SAMD3: variants seen among roughly 807,000 people sequenced by gnomAD.
The protein encoded by SAMD3 is sterile alpha motif domain-containing protein 3.
A neutral mutation model predicts 58.5 loss-of-function variants in SAMD3; 63 were observed. The ratio of observed to expected loss-of-function variants is 1.08; its 90% confidence interval spans 0.88 to 1.33. The LOEUF (loss-of-function observed/expected upper bound fraction) is 1.33, where lower values mean the gene tolerates loss of function less well. SAMD3 is among the 40% of genes most tolerant of loss of function. The probability of loss-of-function intolerance (pLI) is 0.00; values close to 1 mark genes in which losing one functional copy is unlikely to be tolerated. For missense variants in SAMD3, 604 were observed against 608.4 expected, an observed-to-expected ratio of 0.99 and a Z score of 0.08; for synonymous variants, 220 against 210.3, an observed-to-expected ratio of 1.05 and a Z score of -0.40.
chr6:130,336,201 T>C lies in SAMD3; in HGVS notation c.-303-23108A>G, dbSNP rs146639901. ...AAAATTTAAAAATTTAGTAATACAA[T>C]GTATTAAGCATGTTACATAAATTAT... is the stretch of plus-strand genomic sequence containing the variant. On this transcript the variant is annotated intron_variant, in intron 1 of 13. Transcript: ENST00000368134. Among the ~76,000 whole-genome samples the C allele has an allele frequency of 4.1e-3, 621 of 152,294 alleles. 5 individuals are homozygous for C. Among genetic ancestry groups the C allele is most frequent in the African/African-American group, 0.014 (577 of 41,554 alleles).
Position 130,184,604 on chromosome 6 carries a change from G to C in SAMD3, c.403C>G (p.Leu135Val), listed in dbSNP as rs1792750928. 1 of 1,607,446 alleles carries C rather than the reference G, an allele frequency of 6.2e-7. No homozygotes were observed. Among genetic ancestry groups the C allele is most frequent in the Admixed American group, 1.7e-5 (1 of 58,868 alleles). Residue 135 changes from leucine to valine, a missense_variant, in exon 6 of 12, where the codon CTA becomes GTA. By Grantham distance (32) the Leu-to-Val change is conservative. Coordinates refer to ENST00000439090, the MANE Select transcript of SAMD3 (RefSeq NM_001017373.4). ...LKQRRNVKQILARSKALQWTK... is the reference protein window; with the variant it reads ...LKQRRNVKQIVARSKALQWTK... Reference sequence around the variant, plus strand: ...CACTGTAATGCTTTGCTTCTTGCTAGAATTTGTTTCACATTTCTTCTGTGA... The same window carrying C: ...CACTGTAATGCTTTGCTTCTTGCTACAATTTGTTTCACATTTCTTCTGTGA...
chr6:130,351,148 C>T (rs1431689929), intron 1 of SAMD3, among the ~76,000 whole-genome samples: 1 of 152,076 alleles, frequency 6.6e-6, no homozygotes, highest in African/African-American at 2.4e-5. Flanking sequence ...GGCGATACCA[C>T]TCAGGACATA....
At chr6:130,332,126 CT>C (rs1776952689) in intron 1 of SAMD3, among the ~76,000 whole-genome samples, 1 of 152,116 alleles carries the variant, frequency 6.6e-6, no homozygotes, top group East Asian at 1.9e-4. Context: ...AGGTGATAAG[CT>C]TGTGGCATTC....
chr6:130,158,496 C>T (rs1789994578), intron 8 of SAMD3, among the ~76,000 whole-genome samples: 1 of 151,674 alleles, frequency 6.6e-6, no homozygotes, highest in African/African-American at 2.4e-5. Flanking sequence ...AAAAAAAAAT[C>T]CCATATGGCT....
chr6:130,143,507 G>A (rs1052046277), downstream of SAMD3, among the ~76,000 whole-genome samples: 2 of 152,140 alleles, frequency 1.3e-5, no homozygotes, highest in African/African-American at 2.4e-5. Context: ...GCCTCCCAAA[G>A]TGCCAGGATT....
chr6:130,351,776 C>A (rs183424975), intron 1 of SAMD3, among the ~76,000 whole-genome samples: 4 of 152,030 alleles, frequency 2.6e-5, no homozygotes, highest in Admixed American at 2.6e-4. Flanking sequence ...ATGTTTATTG[C>A]GGCACTATTC....
intron 1 of SAMD3, among the ~76,000 whole-genome samples, chr6:130,346,692 A>G (rs1777464759): frequency 6.6e-6 from 1 of 152,230 alleles, no homozygotes; most frequent in South Asian, 2.1e-4. Context: ...AAACGTCTGC[A>G]GACTTAAATG....
At chr6:130,219,601 T>C (rs1258569856) in intron 1 of SAMD3, among the ~76,000 whole-genome samples, 1 of 152,260 alleles carries the variant, frequency 6.6e-6, no homozygotes, top group African/African-American at 2.4e-5. Context: ...TTTCCATTCC[T>C]GAGTCACTTC....
At chr6:130,159,181 C>T (rs1790061017) in intron 8 of SAMD3, among the ~76,000 whole-genome samples, 1 of 152,154 alleles carries the variant, frequency 6.6e-6, no homozygotes. Context: ...CTTTCTCATG[C>T]TGTTCTCATG....
intron 9 of SAMD3, among the ~76,000 whole-genome samples, chr6:130,150,115 G>A (rs142206982): frequency 2.7e-4 from 41 of 151,950 alleles, no homozygotes; most frequent in African/African-American, 8.2e-4. Flanking sequence ...GTGTGTGTGC[G>A]CGCGTGTGTG....
At chr6:130,310,136 T>C (rs1776095427) in intron 2 of SAMD3, among the ~76,000 whole-genome samples, 1 of 152,212 alleles carries the variant, frequency 6.6e-6, no homozygotes. Context: ...AATAATATTC[T>C]CCCAGAATTT....
At chr6:130,324,364 T>C (rs543110339) in intron 1 of SAMD3, among the ~76,000 whole-genome samples, 96 of 152,358 alleles carry the variant, frequency 6.3e-4, no homozygotes, top group African/African-American at 2.2e-3. Context: ...ATATGATGAG[T>C]ATGTTAACTG....
intron 1 of SAMD3, among the ~76,000 whole-genome samples, chr6:130,359,311 T>C (rs1218286813): frequency 6.6e-6 from 1 of 152,234 alleles, no homozygotes; most frequent in Non-Finnish European, 1.5e-5. Flanking sequence ...ATTCTTAATC[T>C]GGAATGCAAA....
intron 1 of SAMD3, among the ~76,000 whole-genome samples, chr6:130,363,826 A>G (rs1263363516): frequency 6.6e-6 from 1 of 152,226 alleles, no homozygotes; most frequent in East Asian, 1.9e-4. Flanking sequence ...TGTGAAGTGC[A>G]GTGCTACTTG....
chr6:130,311,925 C>T (rs560368287), intron 2 of SAMD3, among the ~76,000 whole-genome samples: 1 of 152,196 alleles, frequency 6.6e-6, no homozygotes, highest in East Asian at 1.9e-4. Flanking sequence ...CAAAGAAGTA[C>T]CAGCGAGAGA....
At position 130,216,053 on chromosome 6, in the gene SAMD3, A is replaced by G. The variant is rs181725660; in HGVS notation, c.-22+518T>C. 12 of 395,264 alleles carry G rather than the reference A, an allele frequency of 3.0e-5. No individual in the cohort carries two copies. The East Asian group carries it at 4.5e-4, about 15-fold the overall frequency. 24.5% of individuals were successfully genotyped at this position (395,264 alleles called of 1,614,324 possible). A position where few individuals can be genotyped will look rare whatever the true frequency, so the allele number is the denominator to read the frequency against. On this transcript the variant is annotated intron_variant, in intron 2 of 11. Transcript: ENST00000439090. Reference sequence around the variant, plus strand: ...TTAATTGGGCAGATTCAAAATTGGAAAGTAATTATTTATGTTAATAATTAT... The same window carrying G: ...TTAATTGGGCAGATTCAAAATTGGAGAGTAATTATTTATGTTAATAATTAT...
At chr6:130,280,043 C>G (rs1774927430) in intron 2 of SAMD3, among the ~76,000 whole-genome samples, 1 of 152,084 alleles carries the variant, frequency 6.6e-6, no homozygotes, top group African/African-American at 2.4e-5. Flanking sequence ...CCACTCAAAA[C>G]AAACTAAAAC....
At chr6:130,345,320 A>C (rs919732578) in intron 1 of SAMD3, among the ~76,000 whole-genome samples, 1 of 152,170 alleles carries the variant, frequency 6.6e-6, no homozygotes, top group Admixed American at 6.5e-5. Context: ...TCAGAAACTC[A>C]CAACCTCTTT....
chr6:130,224,628 A>C (rs976618105), upstream of SAMD3, among the ~76,000 whole-genome samples: 34 of 118,886 alleles, frequency 2.9e-4, no homozygotes, highest in African/African-American at 1.6e-3. Context: ...TATTATTATT[A>C]TTATTTTTGA....
Sources: gnomAD v4.1 joint callset for allele counts (sites outside exome capture counted in the v4.1 genomes callset) on GRCh38, gnomAD v4.1.1 for gene constraint, MANE v1.5 for transcripts, NCBI Gene and HGNC (gene_info 2026-07-23, HGNC 2026-07-21) for gene names.